Variants in VPS13B observed in about 807,000 individuals in gnomAD.
VPS13B encodes the protein vacuolar protein sorting 13 homolog B.
A neutral mutation model predicts 426.4 loss-of-function variants in VPS13B; 285 were observed. The observed-to-expected ratio is 0.67, with a 90% CI of 0.61 to 0.74. VPS13B has a LOEUF of 0.74. Ranked by LOEUF, VPS13B falls within the 30% of genes least tolerant of loss-of-function variation. VPS13B has a pLI of 0.00. For synonymous variants in VPS13B, 1,676 were observed against 1,676.4 expected (o/e 1.00, Z 0.01); for missense variants, 4,537 against 4,782.6 (o/e 0.95, Z 1.51).
intron 3 of VPS13B, among the ~76,000 whole-genome samples, chr8:99,062,304 G>C (rs1412680128): frequency 6.6e-6 from 1 of 152,158 alleles, no homozygotes; most frequent in Non-Finnish European, 1.5e-5. Context: ...TTAGGGTTCT[G>C]TTTATGTAGC....
intron 39 of VPS13B, among the ~76,000 whole-genome samples, chr8:99,763,135 C>CAAAAA (rs750289763): frequency 4.7e-3 from 168 of 35,614 alleles, no homozygotes; most frequent in Middle Eastern, 0.036. Flanking sequence ...GACCTTGTCT[C>CAAAAA]AAAAAAAAAA....
chr8:99,114,854 T>G (rs1214835592), intron 6 of VPS13B, among the ~76,000 whole-genome samples: 2 of 152,198 alleles, frequency 1.3e-5, no homozygotes, highest in African/African-American at 4.8e-5. Context: ...TCTAAGAGAC[T>G]TGACTTTATG....
Position 99,650,890 on chromosome 8 carries a change from A to T in VPS13B, c.5908+8392A>T, listed in dbSNP as rs78882278. Among the ~76,000 whole-genome samples the T allele has an allele frequency of 1.3e-3, 205 of 152,304 alleles. 4 individuals are homozygous for T. In the East Asian group the frequency reaches 0.034, roughly 25 times the overall value. On this transcript the variant is annotated intron_variant, in intron 34 of 61. Coordinates refer to ENST00000357162, the MANE Select transcript of VPS13B (RefSeq NM_152564.5). ...AAACAAAATTGCATCTTTACAGGAC[A>T]TGTACAGACTTTTTTTCTTATTATC...
intron 23 of VPS13B, among the ~76,000 whole-genome samples, chr8:99,465,478 C>T (rs544370619): frequency 3.7e-4 from 56 of 149,850 alleles, no homozygotes; most frequent in Non-Finnish European, 3.3e-4. Context: ...CCAAAGAAGA[C>T]GCAGAAATAT....
At chr8:99,420,307 A>G (rs1316989909) in intron 21 of VPS13B, among the ~76,000 whole-genome samples, 2 of 152,172 alleles carry the variant, frequency 1.3e-5, no homozygotes, top group Admixed American at 6.5e-5. Flanking sequence ...TGGCTTATAC[A>G]TGTTACTAGA....
chr8:99,059,098 A>G lies in VPS13B; in HGVS notation c.291+20532A>G, dbSNP rs1049795946. Among the ~76,000 whole-genome samples the G allele has an allele frequency of 1.3e-5, 2 of 152,202 alleles. 1 individual carries two copies. The highest frequency in any genetic ancestry group is 4.1e-4 in the South Asian group (2 of 4,828). ...TAACACTGTACTGAATGCTATGGAT[A>G]TAGTAGTTAGTGATACAGACAAAAA... On this transcript the variant is annotated intron_variant, in intron 3 of 61. Transcript: ENST00000357162.
intron 17 of VPS13B, chr8:99,232,915 C>T (rs568125770): frequency 7.2e-5 from 42 of 580,856 alleles, no homozygotes; most frequent in South Asian, 2.6e-4. Context: ...AGTCCCTGGC[C>T]GCCTCCGCAG....
chr8:99,245,810 C>A (rs1263697947), intron 17 of VPS13B, among the ~76,000 whole-genome samples: 2 of 152,198 alleles, frequency 1.3e-5, no homozygotes, highest in Non-Finnish European at 2.9e-5. Flanking sequence ...TCCCAAAGTT[C>A]TGGGATTACA....
chr8:99,779,056 C>A (rs756795668), intron 42 of VPS13B, 25 bp downstream of exon 42: 3 of 1,598,812 alleles, frequency 1.9e-6, no homozygotes, highest in Non-Finnish European at 2.6e-6. Flanking sequence ...TAACAGTTTA[C>A]AGTTTGGCCA....
At chr8:99,379,529 G>A (rs1015339403) in intron 19 of VPS13B, among the ~76,000 whole-genome samples, 13 of 152,124 alleles carry the variant, frequency 8.5e-5, no homozygotes, top group Admixed American at 6.5e-5. Flanking sequence ...ACTTCTTACT[G>A]TGGAAAATAA....
chr8:99,023,610 A>G (rs1292231927), intron 2 of VPS13B, among the ~76,000 whole-genome samples: 2 of 151,748 alleles, frequency 1.3e-5, no homozygotes, highest in Non-Finnish European at 2.9e-5. Context: ...CCTCCCAAGT[A>G]GCTGGGACTA....
chr8:99,064,949 A>G (rs1445129082), intron 3 of VPS13B, among the ~76,000 whole-genome samples: 1 of 152,208 alleles, frequency 6.6e-6, no homozygotes, highest in African/African-American at 2.4e-5. Context: ...GTGGGGGCCA[A>G]TATTCAACAT....
intron 51 of VPS13B, among the ~76,000 whole-genome samples, chr8:99,832,018 T>A (rs1219862455): frequency 6.6e-6 from 1 of 152,212 alleles, no homozygotes; most frequent in East Asian, 1.9e-4. Flanking sequence ...CCCAGCACTT[T>A]GGGAGGCCAA....
chr8:99,785,152 T>G (rs1356500306), intron 43 of VPS13B, among the ~76,000 whole-genome samples: 1 of 152,196 alleles, frequency 6.6e-6, no homozygotes, highest in Admixed American at 6.6e-5. Context: ...ATATGTGTCC[T>G]GTAGCGATAA....
intron 19 of VPS13B, among the ~76,000 whole-genome samples, chr8:99,334,966 G>A (rs1478082038): frequency 2.0e-5 from 3 of 152,026 alleles, no homozygotes; most frequent in Non-Finnish European, 2.9e-5. Context: ...GGTAGAATTC[G>A]GCTGTAAATC....
chr8:99,460,095 T>C (rs529847562), intron 23 of VPS13B, among the ~76,000 whole-genome samples: 2 of 152,286 alleles, frequency 1.3e-5, no homozygotes, highest in East Asian at 3.9e-4. Flanking sequence ...CATTTCCATT[T>C]AGTGTAATAA....
At chr8:99,416,187 A>C (rs1376345351) in intron 21 of VPS13B, among the ~76,000 whole-genome samples, 17 of 152,166 alleles carry the variant, frequency 1.1e-4, no homozygotes, top group Non-Finnish European at 1.5e-5. Context: ...TTCCCAGTTC[A>C]GACTTCCCGA....
intron 3 of VPS13B, among the ~76,000 whole-genome samples, chr8:99,083,744 C>T (rs1417579565): frequency 8.8e-5 from 11 of 125,102 alleles, no homozygotes; most frequent in Non-Finnish European, 1.8e-4. Context: ...GTTCTGTTTA[C>T]GTGATGGATT....
intron 4 of VPS13B, among the ~76,000 whole-genome samples, chr8:99,101,844 C>G (rs988115277): frequency 6.6e-6 from 1 of 151,944 alleles, no homozygotes; most frequent in Non-Finnish European, 1.5e-5. Context: ...TATGTTTTGT[C>G]CAGTAAAATT....
Sources: allele counts gnomAD v4.1 joint callset (sites outside exome capture counted in the v4.1 genomes callset), GRCh38; gene constraint gnomAD v4.1.1; transcripts MANE v1.5; gene names NCBI Gene and HGNC (gene_info 2026-07-23, HGNC 2026-07-21).